Variants in NTN1 observed in about 807,000 individuals in gnomAD.
NTN1 encodes netrin 1.
Under a neutral mutation model 54.2 loss-of-function variants are expected in NTN1, and 11 were observed. That is an observed-to-expected ratio of 0.20 (90% confidence interval 0.13 to 0.34). The LOEUF is 0.34. Among genes scored for constraint, NTN1 ranks in the 10% least tolerant of loss-of-function variants. The pLI, the probability that NTN1 is intolerant of heterozygous loss-of-function variation, is 1.00. For missense variants in NTN1, 740 were observed against 893.1 expected (o/e 0.83, Z 2.18); for synonymous variants, 371 against 382.0 (o/e 0.97, Z 0.33).
chr17:9,067,008 A>G (rs1244830251), intron 2 of NTN1, among the ~76,000 whole-genome samples: 1 of 150,484 alleles, frequency 6.6e-6, no homozygotes, highest in Non-Finnish European at 1.5e-5. Context: ...CAAAAAAAAA[A>G]AAAAAAAGGC....
chr17:9,151,716 T>G (rs970349634), intron 2 of NTN1, among the ~76,000 whole-genome samples: 2 of 152,196 alleles, frequency 1.3e-5, no homozygotes, highest in African/African-American at 4.8e-5. Context: ...CAGGGGCCTC[T>G]AAGGCTGACC....
chr17:9,022,359 C>T lies in NTN1; in HGVS notation c.-15C>T. On this transcript the variant is annotated 5_prime_UTR_variant, in exon 2 of 7. Coordinates refer to ENST00000173229, the MANE Select transcript of NTN1 (RefSeq NM_004822.3). ...GATCCTCGGCGCGGCAGGGCCGGGG[C>T]AAGCTGGACGCAGCATGATGCGCGC... 1 of 1,288,428 alleles carries T rather than the reference C, an allele frequency of 7.8e-7. No homozygotes were observed. Among genetic ancestry groups the T allele is most frequent in the Non-Finnish European group, 9.8e-7 (1 of 1,024,506 alleles). The allele number at this position is 1,288,428 out of a possible 1,614,324, so 79.8% of individuals were successfully genotyped here.
intron 5 of NTN1, among the ~76,000 whole-genome samples, chr17:9,190,217 T>C (rs1904415528): frequency 1.3e-5 from 2 of 152,096 alleles, no homozygotes; most frequent in Non-Finnish European, 2.9e-5. Context: ...AGCACATATG[T>C]AAAGAAAAGA....
chr17:9,034,342 G>A (rs2091896708), intron 2 of NTN1, among the ~76,000 whole-genome samples: 1 of 151,936 alleles, frequency 6.6e-6, no homozygotes, highest in South Asian at 2.1e-4. Context: ...TTATCACCAT[G>A]TACTGTTCTA....
chr17:9,018,605 T>C (rs9914267), upstream of NTN1, among the ~76,000 whole-genome samples: 54,931 of 133,648 alleles, frequency 0.41, 10,860 homozygotes, highest in African/African-American at 0.54. Flanking sequence ...GCCTGGGCAA[T>C]AGGGCAAGAC....
chr17:9,155,861 G>A (rs1248301230), intron 2 of NTN1, among the ~76,000 whole-genome samples: 1 of 152,104 alleles, frequency 6.6e-6, no homozygotes, highest in East Asian at 1.9e-4. Context: ...TCTATCCCTG[G>A]ATGCAAACAG....
chr17:9,081,402 A>T (rs956629168), intron 2 of NTN1, among the ~76,000 whole-genome samples: 2 of 152,146 alleles, frequency 1.3e-5, no homozygotes, highest in Non-Finnish European at 2.9e-5. Flanking sequence ...TTGACGTCTC[A>T]ACCAGTCACC....
intron 2 of NTN1, among the ~76,000 whole-genome samples, chr17:9,052,611 A>C (rs1022042041): frequency 1.3e-5 from 2 of 152,232 alleles, no homozygotes; most frequent in Non-Finnish European, 2.9e-5. Context: ...ATAAGGCTGC[A>C]GGTAAAAATA....
chr17:9,231,831 C>T lies in NTN1; in HGVS notation c.1487-7809C>T, dbSNP rs553189346. 5.4e-4 allele frequency among the ~76,000 whole-genome samples: 83 copies of T among 152,360 alleles called. 1 individual carries two copies. Among genetic ancestry groups the T allele is most frequent in the African/African-American group, 1.7e-3 (71 of 41,590 alleles). Reference sequence around the variant, plus strand: ...AAGGTGGACTGGATTGAGCCCATGCCAAGGGAGGCTGGCTTTCTCACTTTC... The same window carrying T: ...AAGGTGGACTGGATTGAGCCCATGCTAAGGGAGGCTGGCTTTCTCACTTTC... On this transcript the variant is annotated intron_variant, in intron 6 of 6. Transcript: ENST00000173229.
chr17:9,015,707 G>A, the NTN1 span, among the ~76,000 whole-genome samples: 2 of 151,986 alleles, frequency 1.3e-5, no homozygotes, highest in African/African-American at 4.8e-5. Context: ...TAAGACCCAG[G>A]AGTGGGGCGC....
chr17:9,055,287 T>C (rs761494301), intron 2 of NTN1, among the ~76,000 whole-genome samples: 1 of 152,206 alleles, frequency 6.6e-6, no homozygotes, highest in Non-Finnish European at 1.5e-5. Flanking sequence ...GAACACCCAC[T>C]GCATCCAGGC....
chr17:9,206,887 G>A lies in NTN1; in HGVS notation c.1412-14281G>A, dbSNP rs17742936. Among the ~76,000 whole-genome samples the A allele has an allele frequency of 3.0e-4, 46 of 152,166 alleles. 1 individual carries two copies. The highest frequency in any genetic ancestry group is 6.0e-4 in the Non-Finnish European group (41 of 67,992). ...CACGGAGCCACACTCTCCAAGCTTC[G>A]CTTTTTAAGTTTTGCAGCATTTTCC... On this transcript the variant is annotated intron_variant, in intron 5 of 6. Coordinates refer to ENST00000173229, the MANE Select transcript of NTN1 (RefSeq NM_004822.3).
intron 2 of NTN1, among the ~76,000 whole-genome samples, chr17:9,068,490 ATGTG>A (rs1311806994): frequency 6.7e-6 from 1 of 149,192 alleles, no homozygotes; most frequent in East Asian, 2.0e-4. Context: ...TGGCCAGATT[ATGTG>A]TGTGTGTGTA....
chr17:9,052,931 G>A (rs1272481618), intron 2 of NTN1, among the ~76,000 whole-genome samples: 1 of 152,184 alleles, frequency 6.6e-6, no homozygotes, highest in Non-Finnish European at 1.5e-5. Flanking sequence ...CCTCTCAATA[G>A]CTGCTTCTGA....
At chr17:9,017,796 C>G (rs1218034652), upstream of NTN1, among the ~76,000 whole-genome samples, 1 of 152,196 alleles carries the variant, frequency 6.6e-6, no homozygotes, top group Middle Eastern at 3.2e-3. Flanking sequence ...GAACTTCTCA[C>G]GACACTTGGA....
chr17:9,242,701 T>G lies in NTN1; in HGVS notation c.*2733T>G, dbSNP rs2277673. On this transcript the variant is annotated 3_prime_UTR_variant, in exon 7 of 7. Transcript: ENST00000173229. ...TGCGTCAGGGTGACCAGATCCACCATGCTAGCAGCCAGGTCACTGTTGGGA... is the reference window on the plus strand; with the variant it reads ...TGCGTCAGGGTGACCAGATCCACCAGGCTAGCAGCCAGGTCACTGTTGGGA... 0.84 allele frequency: 128,105 copies of G among 152,390 alleles called. 54,548 individuals carry two copies. Among genetic ancestry groups the G allele is most frequent in the Non-Finnish European group, 0.92 (62,911 of 68,116 alleles). The allele number at this position is 152,390 out of a possible 1,614,324, so 9.4% of individuals were successfully genotyped here. A position where few individuals can be genotyped will look rare whatever the true frequency, so the allele number is the denominator to read the frequency against.
chr17:9,205,765 A>T (rs182145071), intron 5 of NTN1, among the ~76,000 whole-genome samples: 3 of 152,346 alleles, frequency 2.0e-5, no homozygotes, highest in Admixed American at 2.0e-4. Flanking sequence ...CAGCTGTGTT[A>T]GGGAATGGGC....
chr17:9,216,219 A>G (rs1375955426), intron 5 of NTN1, among the ~76,000 whole-genome samples: 1 of 152,246 alleles, frequency 6.6e-6, no homozygotes, highest in African/African-American at 2.4e-5. Flanking sequence ...TGGCCTCCCA[A>G]GTGCTGGGAT....
At chr17:9,116,965 A>G (rs968743286) in intron 2 of NTN1, among the ~76,000 whole-genome samples, 14 of 148,886 alleles carry the variant, frequency 9.4e-5, no homozygotes, top group African/African-American at 3.2e-4. Context: ...CCGAGGTACA[A>G]GGGGTGGCTT....
Sources: gnomAD v4.1 joint callset for allele counts (sites outside exome capture counted in the v4.1 genomes callset) on GRCh38, gnomAD v4.1.1 for gene constraint, MANE v1.5 for transcripts, NCBI Gene and HGNC (gene_info 2026-07-23, HGNC 2026-07-21) for gene names.